Variants in AMY2B observed in about 807,000 individuals in gnomAD.
The protein encoded by AMY2B is amylase alpha 2B.
In AMY2B, 63 loss-of-function variants were observed where a neutral mutation model predicts 59.3. That is an observed-to-expected ratio of 1.06 (90% confidence interval 0.87 to 1.31). The LOEUF (loss-of-function observed/expected upper bound fraction) is 1.31, where lower values mean the gene tolerates loss of function less well. Ranked by LOEUF, AMY2B falls within the 50% of genes most tolerant of loss-of-function variation. The pLI is 0.00. For missense variants in AMY2B, 635 were observed against 626.7 expected, an observed-to-expected ratio of 1.01 and a Z score of -0.14; for synonymous variants, 180 against 198.1, an observed-to-expected ratio of 0.91 and a Z score of 0.77.
intron 7 of AMY2B, 21 bp from the exon 8 acceptor site, chr1:103,577,469 G>A (rs771504069): frequency 2.5e-6 from 4 of 1,611,782 alleles, no homozygotes; most frequent in Non-Finnish European, 3.4e-6. Context: ...TTAAAATTTG[G>A]CTTTTCACCC....
At chr1:103,578,593 T>TA (rs1423510641) in intron 9 of AMY2B, among the ~76,000 whole-genome samples, 1 of 152,156 alleles carries the variant, frequency 6.6e-6, no homozygotes, top group Non-Finnish European at 1.5e-5. Flanking sequence ...AATAAATAAA[T>TA]ACATAAATAC....
upstream of AMY2B, chr1:103,570,893 C>G (rs572722482): frequency 5.5e-6 from 2 of 361,808 alleles, no homozygotes; most frequent in Admixed American, 3.6e-5. Context: ...CCCTTGGTAT[C>G]TGTACATATC....
chr1:103,572,927 G>T (rs1159228845), intron 2 of AMY2B, 136 bp from the exon 3 acceptor site: 1 of 1,525,326 alleles, frequency 6.6e-7, no homozygotes, highest in Non-Finnish European at 8.9e-7. Flanking sequence ...GTTGATTTTT[G>T]ATCTTGTAGG....
chr1:103,563,712 C>A (rs1258351978), intron 1 of AMY2B, among the ~76,000 whole-genome samples: 1 of 151,974 alleles, frequency 6.6e-6, no homozygotes, highest in Non-Finnish European at 1.5e-5. Context: ...TTTTTACCAA[C>A]ATTCCAAATG....
intron 1 of AMY2B, among the ~76,000 whole-genome samples, chr1:103,563,872 G>A (rs1255080966): frequency 6.6e-6 from 1 of 152,126 alleles, no homozygotes; most frequent in African/African-American, 2.4e-5. Flanking sequence ...GGAAAAAATT[G>A]CAGGTAGAAA....
upstream of AMY2B, chr1:103,570,319 T>TC (rs1266978516): frequency 3.6e-5 from 23 of 633,710 alleles, no homozygotes; most frequent in Non-Finnish European, 6.7e-5. Context: ...GGTTGCAGTG[T>TC]CCCGAGACGC....
intron 3 of AMY2B, 66 bp downstream of exon 3, chr1:103,573,326 C>G: frequency 1.2e-6 from 2 of 1,604,072 alleles, no homozygotes; most frequent in Non-Finnish European, 1.7e-6. Flanking sequence ...AGACATGTAG[C>G]TAATTGAACT....
At chr1:103,575,680 T>C in intron 7 of AMY2B, 140 bp downstream of exon 7, 2 of 1,261,192 alleles carry the variant, frequency 1.6e-6, no homozygotes, top group Non-Finnish European at 2.2e-6. Flanking sequence ...ATTTTAGTAA[T>C]GCAGGTTATA....
At chr1:103,562,147 T>C (rs920139519) in intron 1 of AMY2B, 9 of 152,200 alleles carry the variant, frequency 5.9e-5, no homozygotes, top group African/African-American at 1.9e-4. Flanking sequence ...TCCAACTTTT[T>C]GTCTTGAAAT....
chr1:103,573,615 C>G (rs780918956), intron 3 of AMY2B, 93 bp from the exon 4 acceptor site: 44 of 1,560,442 alleles, frequency 2.8e-5, no homozygotes, highest in Non-Finnish European at 3.7e-5. Flanking sequence ...TAGAATATCT[C>G]TTGAGGAATC....
chr1:103,578,404 C>T (rs549453783), intron 9 of AMY2B, among the ~76,000 whole-genome samples: 372 of 151,066 alleles, frequency 2.5e-3, no homozygotes, highest in African/African-American at 8.8e-3. Context: ...GTTTTAGTTC[C>T]GAAACTTCTC....
exon 2 of AMY2B, chr1:103,565,516 A>T (rs1651879211): frequency 6.6e-6 from 1 of 152,156 alleles, no homozygotes; most frequent in Admixed American, 6.6e-5. Flanking sequence ...ACATCACTCA[A>T]CTACTATTAG....
At chr1:103,560,332 T>C (rs559830015) in intron 1 of AMY2B, among the ~76,000 whole-genome samples, 1 of 152,288 alleles carries the variant, frequency 6.6e-6, no homozygotes, top group South Asian at 2.1e-4. Flanking sequence ...ATTATAAATG[T>C]ACAACCATTT....
At chr1:103,574,796 C>G (rs1652280473) in intron 5 of AMY2B, among the ~76,000 whole-genome samples, 1 of 151,256 alleles carries the variant, frequency 6.6e-6, no homozygotes, top group African/African-American at 2.4e-5. Context: ...TATAACAATA[C>G]AGTATTGAAG....
At chr1:103,559,870 A>G (rs956943162) in intron 1 of AMY2B, among the ~76,000 whole-genome samples, 1 of 152,170 alleles carries the variant, frequency 6.6e-6, no homozygotes, top group African/African-American at 2.4e-5. Flanking sequence ...TGTAAGGGCA[A>G]TTTTGCATAA....
At chr1:103,560,274 G>A (rs1048191103) in intron 1 of AMY2B, among the ~76,000 whole-genome samples, 7 of 152,086 alleles carry the variant, frequency 4.6e-5, no homozygotes, top group African/African-American at 1.4e-4. Context: ...TATAAGGTGA[G>A]TAAACATATA....
At chr1:103,559,436 C>T (rs1178480787) in intron 1 of AMY2B, among the ~76,000 whole-genome samples, 2 of 152,114 alleles carry the variant, frequency 1.3e-5, no homozygotes, top group Non-Finnish European at 1.5e-5. Context: ...GAACATACTC[C>T]TGTCATTAAG....
upstream of AMY2B, chr1:103,569,666 G>A (rs546886182): frequency 5.0e-5 from 19 of 383,132 alleles, no homozygotes; most frequent in Non-Finnish European, 7.8e-5. Context: ...CGGTGCCCCC[G>A]GCACCAGGGC....
At chr1:103,557,575 ACC>A (rs1325169842) in intron 1 of AMY2B, among the ~76,000 whole-genome samples, 1 of 151,892 alleles carries the variant, frequency 6.6e-6, no homozygotes, top group African/African-American at 2.4e-5. Flanking sequence ...AATCATTTGA[ACC>A]CGAAGGTGGA....
Sources: gnomAD v4.1 joint callset for allele counts (sites outside exome capture counted in the v4.1 genomes callset) on GRCh38, gnomAD v4.1.1 for gene constraint, MANE v1.5 for transcripts, NCBI Gene and HGNC (gene_info 2026-07-23, HGNC 2026-07-21) for gene names.